TXLNB: variants seen among roughly 807,000 people sequenced by gnomAD.
The protein encoded by TXLNB is beta-taxilin.
In TXLNB, 37 loss-of-function variants were observed where a neutral mutation model predicts 57.4. The ratio of observed to expected loss-of-function variants is 0.64; its 90% CI spans 0.50 to 0.85. TXLNB has a LOEUF of 0.85. TXLNB is among the 40% of genes least tolerant of loss of function. TXLNB has a pLI of 0.00. For synonymous variants in TXLNB, 302 were observed against 309.6 expected, an observed-to-expected ratio of 0.98 and a Z score of 0.26; for missense variants, 848 against 825.6, an observed-to-expected ratio of 1.03 and a Z score of -0.33.
the TXLNB span, among the ~76,000 whole-genome samples, chr6:139,185,188 A>G: frequency 6.6e-6 from 1 of 152,156 alleles, no homozygotes; most frequent in East Asian, 1.9e-4. Context: ...TACTGTGCAT[A>G]TTTCAGAAAA....
In TXLNB at chr6:139,242,603, C is replaced by A; in HGVS notation, c.1978G>T (p.Glu660Ter). The change falls in exon 10 of 10, where the codon GAG (glutamate) becomes TAG (stop). Residue 660 changes from glutamate (E) to a stop codon, truncating the protein, a stop_gained. Coordinates refer to ENST00000358430, the MANE Select transcript of TXLNB (RefSeq NM_153235.4). LOFTEE classifies it low-confidence loss of function (END_TRUNC). ...PSRQPPRAAA[E>*]ELPVGASAGP... The stretch of plus-strand genomic sequence containing the variant: ...GCTGAGGCCCCTACTGGCAGCTCCT[C>A]TGCTGCTGCTCGTGGGGGCTGCCTA... 6.3e-7 allele frequency: 1 copy of A among 1,579,326 alleles called. No individual in the cohort carries two copies. Among genetic ancestry groups the A allele is most frequent in the Non-Finnish European group, 8.6e-7 (1 of 1,164,262 alleles).
the TXLNB span, among the ~76,000 whole-genome samples, chr6:139,310,010 G>A: frequency 6.6e-6 from 1 of 152,138 alleles, no homozygotes; most frequent in Non-Finnish European, 1.5e-5. Context: ...TGGAAGACCT[G>A]AAACCATAAA....
intron 2 of TXLNB, among the ~76,000 whole-genome samples, chr6:139,277,365 C>T (rs1358843696): frequency 6.6e-6 from 1 of 152,188 alleles, no homozygotes; most frequent in Non-Finnish European, 1.5e-5. Context: ...CACGGAGTTG[C>T]TGGGATTCCA....
At chr6:139,318,663 A>G in the TXLNB span, among the ~76,000 whole-genome samples, 1 of 152,146 alleles carries the variant, frequency 6.6e-6, no homozygotes, top group African/African-American at 2.4e-5. Context: ...GCTAGATGAC[A>G]ATGGAAGACA....
the TXLNB span, among the ~76,000 whole-genome samples, chr6:139,199,489 G>A: frequency 3.9e-5 from 6 of 152,212 alleles, no homozygotes; most frequent in Non-Finnish European, 8.8e-5. Flanking sequence ...CATCTGGCAG[G>A]AAATTCAGAT....
At chr6:139,228,916 G>C in the TXLNB span, among the ~76,000 whole-genome samples, 1 of 152,146 alleles carries the variant, frequency 6.6e-6, no homozygotes, top group Non-Finnish European at 1.5e-5. Flanking sequence ...AGCTGCCACT[G>C]TCTTTGAACT....
upstream of TXLNB, among the ~76,000 whole-genome samples, chr6:139,294,151 C>T (rs1201915150): frequency 6.6e-6 from 1 of 152,104 alleles, no homozygotes; most frequent in Admixed American, 6.5e-5. Context: ...TTAAAGCCTA[C>T]AAAATCAATA....
chr6:139,244,796 C>T (rs1229763810), intron 8 of TXLNB, 106 bp from the exon 9 acceptor site: 4 of 717,132 alleles, frequency 5.6e-6, no homozygotes, highest in Non-Finnish European at 9.8e-6. Context: ...TTACCAGATG[C>T]TGAAGCAAAC....
chr6:139,213,294 A>C, the TXLNB span, among the ~76,000 whole-genome samples: 1 of 152,248 alleles, frequency 6.6e-6, no homozygotes, highest in Non-Finnish European at 1.5e-5. Flanking sequence ...ACCACAGTGC[A>C]ATCAAACTAG....
At chr6:139,254,745 G>A (rs1284186830) in intron 7 of TXLNB, among the ~76,000 whole-genome samples, 2 of 152,168 alleles carry the variant, frequency 1.3e-5, no homozygotes, top group African/African-American at 4.8e-5. Flanking sequence ...CCTGACACTT[G>A]TATCCATTCA....
chr6:139,249,801 A>G (rs1253825878), intron 7 of TXLNB, among the ~76,000 whole-genome samples: 4 of 152,210 alleles, frequency 2.6e-5, no homozygotes, highest in African/African-American at 9.6e-5. Context: ...ACAGCTGATT[A>G]TCATTTTGAA....
chr6:139,318,269 C>CAAAAAA, the TXLNB span, among the ~76,000 whole-genome samples: 13 of 56,554 alleles, frequency 2.3e-4, no homozygotes, highest in African/African-American at 5.1e-4. Context: ...GACTCTGTCT[C>CAAAAAA]AAAAAAAAAA....
chr6:139,207,549 C>T, the TXLNB span, among the ~76,000 whole-genome samples: 5 of 152,210 alleles, frequency 3.3e-5, no homozygotes, highest in East Asian at 1.9e-4. Flanking sequence ...CGCAAATAGA[C>T]GACCCAATGT....
chr6:139,244,729 G>A (rs1466710812), intron 8 of TXLNB, 39 bp from the exon 9 acceptor site: 5 of 1,438,696 alleles, frequency 3.5e-6, no homozygotes, highest in Non-Finnish European at 4.9e-6. Flanking sequence ...ATCTTGAAAA[G>A]TTAATATATC....
At chr6:139,181,862 G>A in the TXLNB span, among the ~76,000 whole-genome samples, 1 of 152,086 alleles carries the variant, frequency 6.6e-6, no homozygotes, top group Admixed American at 6.5e-5. Flanking sequence ...TAACCATTTT[G>A]GTTTGAGGTC....
the TXLNB span, among the ~76,000 whole-genome samples, chr6:139,313,080 T>TA: frequency 6.9e-4 from 105 of 151,640 alleles, no homozygotes; most frequent in African/African-American, 2.4e-3. Flanking sequence ...TTTCTCTCTT[T>TA]TTTTTTTTTT....
Position 139,260,219 on chromosome 6 carries a change from CAAATAAAT to C in TXLNB, c.1002+91_1002+98del, listed in dbSNP as rs542223338. ...TGAATGACAGAACGAGACTCTGTCT[CAAATAAAT>C]AAATAAATAAATAAATACAAAACAA... On this transcript the variant is annotated intron_variant, in intron 6 of 9. Coordinates refer to ENST00000358430, the MANE Select transcript of TXLNB (RefSeq NM_153235.4). 134 of 1,352,506 alleles carry C rather than the reference CAAATAAAT, an allele frequency of 9.9e-5. 1 individual carries two copies. The East Asian group carries it at 2.5e-3, about 25-fold the overall frequency. The allele number at this position is 1,352,506 out of a possible 1,614,324, so 83.8% of individuals were successfully genotyped here. A position where few individuals can be genotyped will look rare whatever the true frequency, so the allele number is the denominator to read the frequency against.
At chr6:139,257,689 G>A (rs1398222908) in intron 6 of TXLNB, among the ~76,000 whole-genome samples, 1 of 151,994 alleles carries the variant, frequency 6.6e-6, no homozygotes, top group Non-Finnish European at 1.5e-5. Flanking sequence ...AAGATAAGCT[G>A]ATTAAAATTT....
chr6:139,252,672 C>T (rs1421880495), intron 7 of TXLNB, among the ~76,000 whole-genome samples: 1 of 152,150 alleles, frequency 6.6e-6, no homozygotes, highest in Non-Finnish European at 1.5e-5. Flanking sequence ...TCTTTTCCAG[C>T]GGTTCTTCAA....
Sources: gnomAD v4.1 joint callset for allele counts (sites outside exome capture counted in the v4.1 genomes callset) on GRCh38, gnomAD v4.1.1 for gene constraint, MANE v1.5 for transcripts, NCBI Gene and HGNC (gene_info 2026-07-23, HGNC 2026-07-21) for gene names.